Variants in PSD4 observed in about 807,000 individuals in gnomAD.
PSD4 encodes pleckstrin and Sec7 domain containing 4.
Under a neutral mutation model 112.5 loss-of-function variants are expected in PSD4, and 59 were observed. That is an observed-to-expected ratio of 0.52 (90% CI 0.43 to 0.65). PSD4 has a LOEUF of 0.65. Ranked by LOEUF, PSD4 falls within the 30% of genes least tolerant of loss-of-function variation. The pLI is 0.00. For missense variants in PSD4, 1,267 were observed against 1,352.6 expected, an observed-to-expected ratio of 0.94 and a Z score of 0.99; for synonymous variants, 533 against 540.0, an observed-to-expected ratio of 0.99 and a Z score of 0.18.
rs200324461 is a variant in PSD4 at position 113,190,935 on chromosome 2, A to G, written c.1629-1445A>G. ...GATAAAGCTCCAAGTAAACCTTTTC[A>G]TTATTTACTATGAAAGTATGTTCTC... On this transcript the variant is annotated intron_variant, in intron 5 of 16. Transcript: ENST00000245796. Among the ~76,000 whole-genome samples the G allele has an allele frequency of 1.6e-4, 24 of 152,334 alleles. No homozygotes were observed. The East Asian group carries it at 4.2e-3, about 27-fold the overall frequency.
chr2:113,193,156 G>C, intron 7 of PSD4, 28 bp downstream of exon 7: 1 of 1,610,312 alleles, frequency 6.2e-7, no homozygotes, highest in South Asian at 1.1e-5. Flanking sequence ...TCTCTGGGGA[G>C]GCTGTGGAGG....
chr2:113,194,054 T>C, intron 10 of PSD4, 106 bp downstream of exon 10: 1 of 1,062,854 alleles, frequency 9.4e-7, no homozygotes, highest in African/African-American at 1.6e-5. Context: ...CAAAATATCC[T>C]TGAGAGAACA....
rs1248733987 is a variant in PSD4 at position 113,203,168 on chromosome 2, G to A, written c.*1753G>A. The A allele has an allele frequency of 1.3e-5, 2 of 152,200 alleles. No homozygotes were observed. Among genetic ancestry groups the A allele is most frequent in the African/African-American group, 4.8e-5 (2 of 41,440 alleles). 9.4% of individuals were successfully genotyped at this position (152,200 alleles called of 1,614,324 possible). A position where few individuals can be genotyped will look rare whatever the true frequency, so the allele number is the denominator to read the frequency against. ...ATTCATTTTGCAGATAATATGGGAC[G>A]CTTTCTATGTGCCAGTACCAGGGGA... On this transcript the variant is annotated 3_prime_UTR_variant, in exon 17 of 17. Transcript: ENST00000245796.
chr2:113,183,485 A>G lies in PSD4; in HGVS notation c.1029A>G (p.Ala343=). 6.3e-7 allele frequency: 1 copy of G among 1,587,930 alleles called. No homozygotes were observed. The highest frequency in any genetic ancestry group is 8.6e-7 in the Non-Finnish European group (1 of 1,168,542). The stretch of plus-strand genomic sequence containing the variant: ...TGGCTGCCGCTGAGGGGGCTCCTGC[A>G]GCACCTCCTGGTCACGGGGAGAGTG... ...ASVAAAEGAP[A]APPGHGESEG... Residue 343 remains alanine, a synonymous_variant, in exon 2 of 17, where the codon GCA becomes GCG. Coordinates refer to ENST00000245796, the MANE Select transcript of PSD4 (RefSeq NM_012455.3).
chr2:113,192,402 A>G lies in PSD4; in HGVS notation c.1651A>G (p.Asn551Asp). The change falls in exon 6 of 17, where the codon AAC becomes GAC. Residue 551 changes from asparagine (N) to aspartate (D), a missense_variant. Physicochemically the swap from Asn to Asp is conservative, Grantham distance 23. Transcript: ENST00000245796. ...AEHENLRTPM[N>D]SSWLPGSPMP... ...AAGTGAGAATCTGAGGACACCGATGAACTCTTCTTGGCTTCCTGGGAGCCC... is the reference window on the plus strand; with the variant it reads ...AAGTGAGAATCTGAGGACACCGATGGACTCTTCTTGGCTTCCTGGGAGCCC... 1 of 1,614,210 alleles carries G rather than the reference A, an allele frequency of 6.2e-7. No homozygotes were observed. Among genetic ancestry groups the G allele is most frequent in the Admixed American group, 1.7e-5 (1 of 60,024 alleles).
chr2:113,186,679 T>C (rs1688309314), intron 5 of PSD4, among the ~76,000 whole-genome samples: 1 of 152,178 alleles, frequency 6.6e-6, no homozygotes, highest in South Asian at 2.1e-4. Context: ...TGAGGAGGTA[T>C]CTGGGAGGCA....
chr2:113,183,436 C>G lies in PSD4; in HGVS notation c.980C>G (p.Pro327Arg). ...TPPFPVPIYK[P>R]HSICWASVAA... is the part of the protein sequence containing the mutation. ...CCATTCCCTGTGCCCATCTATAAAC[C>G]ACACTCCATCTGCTGGGCCTCAGTG... Residue 327 changes from proline to arginine, a missense_variant, in exon 2 of 17, where the codon CCA (proline) becomes CGA (arginine). This residue lies in a region of PSD4 where 723 missense variants were observed against 704.0 expected (regional missense o/e 1.03). Coordinates refer to ENST00000245796, the MANE Select transcript of PSD4 (RefSeq NM_012455.3). 1 of 1,585,334 alleles carries G rather than the reference C, an allele frequency of 6.3e-7. No homozygotes were observed. Among genetic ancestry groups the G allele is most frequent in the Non-Finnish European group, 8.6e-7 (1 of 1,167,300 alleles).
Position 113,183,348 on chromosome 2 carries a change from T to A in PSD4, c.892T>A (p.Trp298Arg). The change falls in exon 2 of 17, where the codon TGG becomes AGG. Residue 298 changes from tryptophan (W) to arginine (R), a missense_variant. Around this residue, in one of 2 missense-constraint regions of PSD4, gnomAD observed 723 missense variants for 704.0 expected, o/e 1.03. Transcript: ENST00000245796. Reference protein sequence around the residue: ...EPPLPEDTVLWELESEPDLGD... With the variant: ...EPPLPEDTVLRELESEPDLGD... ...TCCCCTCCCAGAAGACACAGTGCTG[T>A]GGGAGCTGGAAAGTGAGCCAGATTT... is the stretch of plus-strand genomic sequence containing the variant. 2 of 1,594,056 alleles carry A rather than the reference T, an allele frequency of 1.3e-6. No homozygotes were observed. Among genetic ancestry groups the A allele is most frequent in the Non-Finnish European group, 1.7e-6 (2 of 1,169,166 alleles).
intron 5 of PSD4, 51 bp from the exon 6 acceptor site, chr2:113,192,329 A>G: frequency 1.9e-6 from 3 of 1,575,512 alleles, no homozygotes; most frequent in South Asian, 1.1e-5. Flanking sequence ...CTCTTGCCAC[A>G]ACTGACCTGC....
rs2305134 is a variant in PSD4 at position 113,192,361 on chromosome 2, C to T, written c.1629-19C>T. On this transcript the variant is annotated intron_variant, in intron 5 of 16. Transcript: ENST00000245796. The stretch of plus-strand genomic sequence containing the variant: ...CTGCAAGAACACTTGACCCAGAGCT[C>T]CTGCATGTCTATCTCAAGTGAGAAT... 5.5e-5 allele frequency: 89 copies of T among 1,611,212 alleles called. No homozygotes were observed. In the East Asian group the frequency reaches 2.0e-3, roughly 36 times the overall value.
intron 1 of PSD4, among the ~76,000 whole-genome samples, 198 bp from the exon 2 acceptor site, chr2:113,182,148 C>G (rs1688152620): frequency 6.6e-6 from 1 of 152,210 alleles, no homozygotes; most frequent in African/African-American, 2.4e-5. Flanking sequence ...AGGTGCTGCC[C>G]TGGTGCAAGT....
At chr2:113,190,809 C>T (rs1172098596) in intron 5 of PSD4, among the ~76,000 whole-genome samples, 1 of 152,140 alleles carries the variant, frequency 6.6e-6, no homozygotes, top group African/African-American at 2.4e-5. Context: ...AGGATGAATG[C>T]AAGATGTCTT....
At chr2:113,198,435 C>A (rs1688673298) in intron 14 of PSD4, 1 of 311,514 alleles carries the variant, frequency 3.2e-6, no homozygotes, top group Non-Finnish European at 5.8e-6. Flanking sequence ...CCGCGCCTGG[C>A]TAATTTGTGT....
intron 1 of PSD4, among the ~76,000 whole-genome samples, chr2:113,181,791 G>C (rs1476324865): frequency 6.6e-6 from 1 of 152,194 alleles, no homozygotes; most frequent in African/African-American, 2.4e-5. Flanking sequence ...GAGCCAGCCT[G>C]GTGAACAGGG....
intron 11 of PSD4, 59 bp from the exon 12 acceptor site, chr2:113,196,088 G>T: frequency 6.4e-7 from 1 of 1,562,172 alleles, no homozygotes; most frequent in Non-Finnish European, 8.7e-7. Flanking sequence ...GGAGGCAATG[G>T]ATACCTCCCA....
rs1688872175 is a variant in PSD4 at position 113,207,031 on chromosome 2, A to G, written c.*5616A>G. On this transcript the variant is annotated 3_prime_UTR_variant, in exon 17 of 17. Transcript: ENST00000245796. ...GGCTCCATCTCCCAGGCCTATGAGC[A>G]GGAACAACCCTCATGCTTCCAAGAT... 1 of 152,194 alleles carries G rather than the reference A, an allele frequency of 6.6e-6. No individual in the cohort carries two copies. The highest frequency in any genetic ancestry group is 1.5e-5 in the Non-Finnish European group (1 of 68,038). The allele number at this position is 152,194 out of a possible 1,614,324, so 9.4% of individuals were successfully genotyped here.
chr2:113,193,985 G>GC, intron 10 of PSD4, 37 bp downstream of exon 10: 1 of 1,589,826 alleles, frequency 6.3e-7, no homozygotes, highest in South Asian at 1.1e-5. Flanking sequence ...GCCTCATGTA[G>GC]GACCTGGAGC....
chr2:113,180,162 TGA>T (rs1688089081), intron 1 of PSD4, among the ~76,000 whole-genome samples: 1 of 152,142 alleles, frequency 6.6e-6, no homozygotes, highest in Non-Finnish European at 1.5e-5. Flanking sequence ...CTGACCTTCG[TGA>T]GAGAGCGCTG....
Position 113,193,797 on chromosome 2 carries a change from G to A in PSD4, c.2092-62G>A. 5 of 1,579,908 alleles carry A rather than the reference G, an allele frequency of 3.2e-6. No homozygotes were observed. In the South Asian group the frequency reaches 5.5e-5, roughly 17 times the overall value. On this transcript the variant is annotated intron_variant, in intron 9 of 16. Transcript: ENST00000245796. ...GGAAAGGGTTCCATGGTTGCTGGCTGGGAGGTTATTCTATTGGGATGGGGT... is the reference window on the plus strand; with the variant it reads ...GGAAAGGGTTCCATGGTTGCTGGCTAGGAGGTTATTCTATTGGGATGGGGT...
Sources: gnomAD v4.1 joint callset for allele counts (sites outside exome capture counted in the v4.1 genomes callset) on GRCh38, gnomAD v4.1.1 for gene constraint, gnomAD v4.1.1 regional missense constraint, MANE v1.5 for transcripts, NCBI Gene and HGNC (gene_info 2026-07-23, HGNC 2026-07-21) for gene names.